Variants in KIF1B observed in about 807,000 individuals in gnomAD.
KIF1B encodes kinesin family member 1B.
In KIF1B, 76 loss-of-function variants were observed where a neutral mutation model predicts 241.9. The observed-to-expected ratio is 0.31, with a 90% CI of 0.26 to 0.38. KIF1B has a LOEUF of 0.38. Ranked by LOEUF, KIF1B falls within the 10% of genes least tolerant of loss-of-function variation. KIF1B has a pLI of 1.00. For missense variants in KIF1B, 1,622 were observed against 2,271.4 expected (o/e 0.71, Z 5.81); for synonymous variants, 750 against 796.7 (o/e 0.94, Z 0.99).
intron 45 of KIF1B, among the ~76,000 whole-genome samples, chr1:10,373,830 G>A (rs1214163246): frequency 6.6e-6 from 1 of 152,154 alleles, no homozygotes; most frequent in East Asian, 1.9e-4. Context: ...CCCCTGGGAG[G>A]CTTGTTGAAG....
At chr1:10,313,548 A>ATTTTTTTTTTT (rs33994083) in intron 22 of KIF1B, among the ~76,000 whole-genome samples, 1 of 121,410 alleles carries the variant, frequency 8.2e-6, no homozygotes, top group Non-Finnish European at 1.7e-5. Flanking sequence ...ACTAGTTAGG[A>ATTTTTTTTTTT]TTTTTTTTTT....
At chr1:10,329,911 ATATT>A (rs1157549784) in intron 27 of KIF1B, among the ~76,000 whole-genome samples, 5 of 152,310 alleles carry the variant, frequency 3.3e-5, no homozygotes, top group African/African-American at 1.2e-4. Context: ...GAAATGTAAA[ATATT>A]TAAGCTAGTC....
At chr1:10,251,746 A>G (rs1647461756) in intron 2 of KIF1B, among the ~76,000 whole-genome samples, 1 of 151,952 alleles carries the variant, frequency 6.6e-6, no homozygotes, top group Non-Finnish European at 1.5e-5. Context: ...AAAAAAAAAA[A>G]GCTTTATCAT....
intron 22 of KIF1B, chr1:10,306,931 G>A: frequency 9.6e-7 from 1 of 1,046,420 alleles, no homozygotes; most frequent in Non-Finnish European, 1.2e-6. Context: ...CTCTCCACTG[G>A]TGATTAGGTA....
chr1:10,216,453 T>A (rs1276213619), intron 1 of KIF1B, among the ~76,000 whole-genome samples: 1 of 152,172 alleles, frequency 6.6e-6, no homozygotes, highest in Non-Finnish European at 1.5e-5. Flanking sequence ...TTGCATTGCT[T>A]GCAGTTTTTA....
chr1:10,315,060 A>T (rs1651240824), intron 22 of KIF1B, among the ~76,000 whole-genome samples: 13 of 151,312 alleles, frequency 8.6e-5, no homozygotes, highest in Admixed American at 8.5e-4. Flanking sequence ...ACTATAATGA[A>T]CTTTTGTATA....
chr1:10,252,196 T>G (rs1647489086), intron 2 of KIF1B, among the ~76,000 whole-genome samples: 2 of 152,146 alleles, frequency 1.3e-5, no homozygotes, highest in South Asian at 4.2e-4. Context: ...CGTGCCACCA[T>G]GCCTCGCTAA....
intron 17 of KIF1B, among the ~76,000 whole-genome samples, chr1:10,294,489 G>T (rs190552711): frequency 6.6e-6 from 1 of 152,038 alleles, no homozygotes; most frequent in African/African-American, 2.4e-5. Context: ...TAATTATTCC[G>T]TTCAGAGAAT....
chr1:10,326,020 G>A lies in KIF1B; in HGVS notation c.2676-91G>A, dbSNP rs189896694. 3.7e-3 allele frequency: 5,641 copies of A among 1,509,786 alleles called. 23 individuals are homozygous for A. The highest frequency in any genetic ancestry group is 7.3e-3 in the Middle Eastern group (32 of 4,400). 93.5% of individuals were successfully genotyped at this position (1,509,786 alleles called of 1,614,324 possible). A position where few individuals can be genotyped will look rare whatever the true frequency, so the allele number is the denominator to read the frequency against. ...CTTTTATTGTGTTGATTCCCCAGTG[G>A]ATTCTGTCCTGTTAGCACCTATTGC... On this transcript the variant is annotated intron_variant, in intron 26 of 48. Transcript: ENST00000676179. This position sits in a 1 kb window ranked among gnomAD's most constrained non-coding sequence, Gnocchi z 5.2.
chr1:10,229,427 G>C (rs922847940), intron 1 of KIF1B, among the ~76,000 whole-genome samples: 6 of 152,154 alleles, frequency 3.9e-5, no homozygotes, highest in African/African-American at 1.4e-4. Context: ...AGGTACTGTT[G>C]TAAGTGCTAG....
intron 22 of KIF1B, among the ~76,000 whole-genome samples, chr1:10,301,322 A>G (rs1025256901): frequency 6.6e-6 from 1 of 152,142 alleles, no homozygotes; most frequent in African/African-American, 2.4e-5. Flanking sequence ...TGAACTACTC[A>G]TCTGTGAGTT....
Position 10,363,463 on chromosome 1 carries a change from G to C in KIF1B, c.4366+119G>C, listed in dbSNP as rs771330863. ...TCCCAGCGCTTTGGGAGGCCAAGGC[G>C]GGTGGATCACCTGAGTCCAGGAGTT... On this transcript the variant is annotated intron_variant, in intron 41 of 48. Transcript: ENST00000676179. The C allele has an allele frequency of 2.5e-5, 21 of 827,330 alleles. No homozygotes were observed. The Admixed American group carries it at 3.6e-4, about 14-fold the overall frequency. The allele number at this position is 827,330 out of a possible 1,614,324, so 51.2% of individuals were successfully genotyped here. A position where few individuals can be genotyped will look rare whatever the true frequency, so the allele number is the denominator to read the frequency against.
chr1:10,336,079 G>A (rs942494343), intron 28 of KIF1B, among the ~76,000 whole-genome samples: 1 of 152,192 alleles, frequency 6.6e-6, no homozygotes, highest in Non-Finnish European at 1.5e-5. Flanking sequence ...GGGTATTATT[G>A]ACTATTATCT....
At chr1:10,286,371 T>A (rs1649716460) in intron 15 of KIF1B, among the ~76,000 whole-genome samples, 1 of 152,254 alleles carries the variant, frequency 6.6e-6, no homozygotes, top group South Asian at 2.1e-4. Flanking sequence ...AACATGCAGC[T>A]GTAGCCACAG....
intron 15 of KIF1B, among the ~76,000 whole-genome samples, chr1:10,283,098 T>A (rs1569698248): frequency 6.7e-6 from 1 of 149,252 alleles, no homozygotes; most frequent in Non-Finnish European, 1.5e-5. Context: ...TCCCAGCTAC[T>A]CCTGAGGCTG....
At chr1:10,283,233 AT>A (rs1557686894) in intron 15 of KIF1B, among the ~76,000 whole-genome samples, 14 of 136,912 alleles carry the variant, frequency 1.0e-4, no homozygotes, top group Non-Finnish European at 1.2e-4. Flanking sequence ...AAAAAAAAAG[AT>A]AAAGTTAGAA....
rs1292592397 is a variant in KIF1B at position 10,303,525 on chromosome 1, T to C, written c.2115+6279T>C. ...CCATGTATGGCAAGAAAGACCCCAA[T>C]GAGCGGGACTCCTGGAGGGCAGTGG... On this transcript the variant is annotated intron_variant, in intron 22 of 48. Coordinates refer to ENST00000676179, the MANE Select transcript of KIF1B (RefSeq NM_001365951.3). The surrounding 1 kb of genome is among the most constrained non-coding windows in gnomAD (Gnocchi z 5.2). 3.7e-6 allele frequency: 6 copies of C among 1,614,168 alleles called. No homozygotes were observed. The highest frequency in any genetic ancestry group is 3.3e-5 in the South Asian group (3 of 91,068).
intron 5 of KIF1B, among the ~76,000 whole-genome samples, chr1:10,264,553 C>A (rs774143621): frequency 6.6e-6 from 1 of 152,212 alleles, no homozygotes; most frequent in African/African-American, 2.4e-5. Context: ...TTTAAGTACA[C>A]AGCAATGATT....
intron 2 of KIF1B, among the ~76,000 whole-genome samples, chr1:10,237,056 G>A (rs2102139880): frequency 6.6e-6 from 1 of 152,298 alleles, no homozygotes; most frequent in Middle Eastern, 3.4e-3. Flanking sequence ...AAGTAGAAGA[G>A]TATGAAGAGT....
Sources: allele counts gnomAD v4.1 joint callset (sites outside exome capture counted in the v4.1 genomes callset), GRCh38; gene constraint gnomAD v4.1.1; non-coding constraint Gnocchi (gnomAD v3.1); transcripts MANE v1.5; gene names NCBI Gene and HGNC (gene_info 2026-07-23, HGNC 2026-07-21).